Variants in TBC1D3B observed in about 807,000 individuals in gnomAD.
The protein encoded by TBC1D3B is TBC1 domain family member 3B, also known as Rab GTPase-activating protein PRC17 duplicate.
TBC1D3B carries 2 observed loss-of-function variants against 27.1 expected under a neutral mutation model. The observed-to-expected ratio is 0.07, with a 90% confidence interval of 0.03 to 0.23. The LOEUF is 0.23. TBC1D3B is among the 10% of genes least tolerant of loss of function. The pLI is 1.00. For synonymous variants in TBC1D3B, 3 were observed against 150.1 expected, an observed-to-expected ratio of 0.02 and a Z score of 7.16; for missense variants, 17 against 401.3, an observed-to-expected ratio of 0.04 and a Z score of 8.18.
intron 13 of TBC1D3B, among the ~76,000 whole-genome samples, chr17:36,167,158 C>A (rs1295142315): frequency 9.8e-6 from 1 of 102,160 alleles, no homozygotes; most frequent in Non-Finnish European, 2.9e-5. Flanking sequence ...GAGGAGCGTG[C>A]AGGAGTGAGG....
intron 12 of TBC1D3B, among the ~76,000 whole-genome samples, 156 bp downstream of exon 12, chr17:36,167,911 G>A (rs1348817096): frequency 1.7e-5 from 2 of 119,130 alleles, no homozygotes; most frequent in African/African-American, 4.9e-5. Context: ...GTGAGGGATG[G>A]GCTCGGTGTC....
intron 9 of TBC1D3B, among the ~76,000 whole-genome samples, chr17:36,169,438 G>A (rs1294355441): frequency 1.1e-4 from 16 of 149,734 alleles, no homozygotes; most frequent in South Asian, 2.1e-4. Context: ...CAGGGTGGCC[G>A]GAACTGGGTG....
intron 7 of TBC1D3B, among the ~76,000 whole-genome samples, chr17:36,171,294 G>T (rs1179398710): frequency 6.6e-6 from 1 of 151,172 alleles, no homozygotes; most frequent in Non-Finnish European, 1.5e-5. Flanking sequence ...GAGTCAAGCA[G>T]TGAACCTGGC....
chr17:36,169,385 G>C (rs1338324450), intron 9 of TBC1D3B, among the ~76,000 whole-genome samples: 2 of 149,246 alleles, frequency 1.3e-5, no homozygotes, highest in African/African-American at 2.4e-5. Context: ...GAGGCCTCCT[G>C]GGCCAGGGTG....
At chr17:36,167,021 G>T (rs1186189878) in intron 13 of TBC1D3B, among the ~76,000 whole-genome samples, 2 of 99,096 alleles carry the variant, frequency 2.0e-5, no homozygotes, top group African/African-American at 5.2e-5. Flanking sequence ...TCCCACTTCT[G>T]GCTGAACTCT....
intron 9 of TBC1D3B, 32 bp downstream of exon 9, chr17:36,169,859 G>C (rs2142169937): frequency 3.1e-6 from 1 of 327,240 alleles, no homozygotes; most frequent in East Asian, 3.8e-5. Flanking sequence ...AGGTCTGGCT[G>C]CAGGAGGTCC....
At chr17:36,167,883 G>GTGAGT (rs2068284536) in intron 12 of TBC1D3B, among the ~76,000 whole-genome samples, 184 bp downstream of exon 12, 243 of 100,014 alleles carry the variant, frequency 2.4e-3, no homozygotes, top group East Asian at 0.012. Flanking sequence ...CCACACTCTC[G>GTGAGT]ACTTTCATCT....
intron 13 of TBC1D3B, among the ~76,000 whole-genome samples, chr17:36,167,289 GA>G (rs2068270231): frequency 3.9e-5 from 2 of 51,188 alleles, no homozygotes; most frequent in African/African-American, 7.9e-5. Context: ...AGACACCGTG[GA>G]AAGTGGGAGG....
chr17:36,167,861 G>GTC (rs2068283442), intron 12 of TBC1D3B, among the ~76,000 whole-genome samples, 165 bp from the exon 13 acceptor site: 3 of 108,372 alleles, frequency 2.8e-5, no homozygotes, highest in African/African-American at 2.8e-5. Context: ...GATCCGGACA[G>GTC]GGAAGTGCTC....
In TBC1D3B at chr17:36,165,730, C is replaced by G; in HGVS notation, c.*265G>C. ...CAAAACGTGAAGGTAGTTATCCTTC[C>G]ATGAGTTTAAAGTACAAAGGCAGGC... On this transcript the variant is annotated 3_prime_UTR_variant, in exon 14 of 14. Transcript: ENST00000611257. The G allele has an allele frequency of 1.0e-6, 1 of 988,102 alleles. No homozygotes were observed. The highest frequency in any genetic ancestry group is 1.5e-6 in the Non-Finnish European group (1 of 666,280). The allele number at this position is 988,102 out of a possible 1,614,324, so 61.2% of individuals were successfully genotyped here.
intron 9 of TBC1D3B, 47 bp from the exon 10 acceptor site, chr17:36,169,221 T>G (rs1374807722): frequency 6.3e-7 from 1 of 1,581,400 alleles, no homozygotes; most frequent in African/African-American, 1.3e-5. Context: ...TCCCCCAAGA[T>G]GTGGAGCCAT....
chr17:36,170,908 C>T (rs2068340205), intron 7 of TBC1D3B, among the ~76,000 whole-genome samples: 1 of 89,980 alleles, frequency 1.1e-5, no homozygotes, highest in Admixed American at 9.6e-5. Flanking sequence ...CGGTTCCAAA[C>T]CAATGTGCAG....
intron 7 of TBC1D3B, among the ~76,000 whole-genome samples, chr17:36,171,508 G>A (rs200964156): frequency 1.3e-5 from 2 of 151,290 alleles, no homozygotes; most frequent in Admixed American, 6.6e-5. Flanking sequence ...TGCTGTCACT[G>A]TTGCCTGGGG....
chr17:36,166,996 G>A (rs2068265300), intron 13 of TBC1D3B, among the ~76,000 whole-genome samples: 2 of 90,316 alleles, frequency 2.2e-5, no homozygotes, highest in Admixed American at 2.1e-4. Flanking sequence ...CCCAGTCCAT[G>A]CCAGGACTGA....
intron 3 of TBC1D3B, chr17:36,173,673 TG>T: frequency 3.6e-4 from 3 of 8,428 alleles, no homozygotes; most frequent in Admixed American, 8.4e-4. Flanking sequence ...CCGGGGTTAC[TG>T]GGGCCCCTGG....
intron 12 of TBC1D3B, among the ~76,000 whole-genome samples, 174 bp downstream of exon 12, chr17:36,167,892 CT>C: frequency 3.2e-5 from 3 of 92,398 alleles, no homozygotes; most frequent in South Asian, 3.5e-4. Flanking sequence ...CGACTTTCAT[CT>C]GGGTCATGTG....
At chr17:36,169,332 TG>T (rs1395049553) in intron 9 of TBC1D3B, among the ~76,000 whole-genome samples, 158 bp from the exon 10 acceptor site, 11 of 148,524 alleles carry the variant, frequency 7.4e-5, no homozygotes, top group Non-Finnish European at 1.5e-4. Flanking sequence ...CCTGGGGAGG[TG>T]GGGCGGGAAC....
chr17:36,167,876 CA>C (rs2068284101), intron 12 of TBC1D3B, among the ~76,000 whole-genome samples, 180 bp from the exon 13 acceptor site: 1 of 103,436 alleles, frequency 9.7e-6, no homozygotes. Context: ...GTGCTCACCA[CA>C]CTCTCGACTT....
intron 7 of TBC1D3B, among the ~76,000 whole-genome samples, chr17:36,171,477 C>G (rs1223314527): frequency 6.6e-6 from 1 of 151,226 alleles, no homozygotes; most frequent in East Asian, 1.9e-4. Flanking sequence ...TTCCAGGACC[C>G]CTAATTCTCC....
Sources: gnomAD v4.1 joint callset for allele counts (sites outside exome capture counted in the v4.1 genomes callset) on GRCh38, gnomAD v4.1.1 for gene constraint, MANE v1.5 for transcripts, NCBI Gene and HGNC (gene_info 2026-07-23, HGNC 2026-07-21) for gene names.